Variants in SPTBN4 observed in about 807,000 individuals in gnomAD.
SPTBN4 encodes the protein spectrin beta, non-erythrocytic 4.
A neutral mutation model predicts 277.8 loss-of-function variants in SPTBN4; 96 were observed. That is an observed-to-expected ratio of 0.35 (90% confidence interval 0.29 to 0.41). SPTBN4 has a LOEUF of 0.41. Ranked by LOEUF, SPTBN4 falls within the 10% of genes least tolerant of loss-of-function variation. The pLI is 1.00. For missense variants in SPTBN4, 3,006 were observed against 3,595.7 expected, an observed-to-expected ratio of 0.84 and a Z score of 4.19; for synonymous variants, 1,481 against 1,580.3, an observed-to-expected ratio of 0.94 and a Z score of 1.49.
chr19:40,515,360 G>A lies in SPTBN4; in HGVS notation c.2815G>A (p.Asp939Asn). Residue 939 changes from aspartate (D) to asparagine (N), a missense_variant, in exon 15 of 36, where the codon GAC (aspartate) becomes AAC (asparagine). Transcript: ENST00000598249. The surrounding 1 kb of genome is among the most constrained non-coding windows in gnomAD (Gnocchi z 4.1). ...EMNSLMGRVL[D>N]VNHTVQELVE... ...GAACAGCCTGATGGGCCGCGTTCTG[G>A]ACGTGAACCACACAGTCCAGGAGCT... 1 of 1,610,456 alleles carries A rather than the reference G, an allele frequency of 6.2e-7. No individual in the cohort carries two copies. Among genetic ancestry groups the A allele is most frequent in the African/African-American group, 1.3e-5 (1 of 74,972 alleles).
chr19:40,569,936 C>CCACACA (rs60074818), intron 32 of SPTBN4, among the ~76,000 whole-genome samples: 14,969 of 131,282 alleles, frequency 0.11, 932 homozygotes, highest in Non-Finnish European at 0.13. Context: ...TACTGCCCCT[C>CCACACA]CACACACACA....
chr19:40,503,824 C>T lies in SPTBN4; in HGVS notation c.1363-6C>T. ...GCATGGGTGAGTGTCTGGCTCACTG[C>T]CCCAGGACAACTTTGGGTATGAGCT... On this transcript the variant is annotated splice_polypyrimidine_tract_variant and splice_region_variant and intron_variant, in intron 11 of 35. Coordinates refer to ENST00000598249, the MANE Select transcript of SPTBN4 (RefSeq NM_020971.3). The T allele has an allele frequency of 3.2e-6, 5 of 1,572,542 alleles. No homozygotes were observed. The highest frequency in any genetic ancestry group is 4.3e-6 in the Non-Finnish European group (5 of 1,155,530).
Position 40,519,242 on chromosome 19 carries a change from G to T in SPTBN4, c.2904-159G>T, listed in dbSNP as rs1244126226. The stretch of plus-strand genomic sequence containing the variant: ...AATGGCTGCCCTAAGCAAAAGTGCT[G>T]CGTAGGGTTCCATTTTACACCGGCA... On this transcript the variant is annotated intron_variant, in intron 15 of 35. Transcript: ENST00000598249. This position sits in a 1 kb window ranked among gnomAD's most constrained non-coding sequence, Gnocchi z 5.7. Among the ~76,000 whole-genome samples, 1 of 152,228 alleles carries T rather than the reference G, an allele frequency of 6.6e-6. No individual in the cohort carries two copies. The highest frequency in any genetic ancestry group is 1.5e-5 in the Non-Finnish European group (1 of 68,038).
intron 32 of SPTBN4, 88 bp downstream of exon 32, chr19:40,569,814 T>C (rs1254752926): frequency 7.7e-6 from 10 of 1,300,204 alleles, no homozygotes; most frequent in Non-Finnish European, 9.5e-6. Context: ...TGCCTAGCCC[T>C]GGCAGGACCC....
chr19:40,569,969 C>CAT (rs1322288108), intron 32 of SPTBN4, among the ~76,000 whole-genome samples: 7 of 127,408 alleles, frequency 5.5e-5, no homozygotes, highest in Non-Finnish European at 1.2e-4. Flanking sequence ...CACACACACA[C>CAT]ACACAGACAC....
At chr19:40,535,768 T>C (rs1599777487) in intron 20 of SPTBN4, among the ~76,000 whole-genome samples, 1 of 151,958 alleles carries the variant, frequency 6.6e-6, no homozygotes, top group East Asian at 1.9e-4. Context: ...TCATCTCTAC[T>C]AAAAACACAC....
At chr19:40,574,368 T>C (rs1232297542) in intron 35 of SPTBN4, among the ~76,000 whole-genome samples, 2 of 151,544 alleles carry the variant, frequency 1.3e-5, no homozygotes, top group Non-Finnish European at 2.9e-5. Context: ...AAGTGGGCTT[T>C]TTTTTTTTTT....
At chr19:40,483,515 T>G (rs1292393585) in intron 2 of SPTBN4, among the ~76,000 whole-genome samples, 1 of 152,218 alleles carries the variant, frequency 6.6e-6, no homozygotes, top group Non-Finnish European at 1.5e-5. Flanking sequence ...AACTTTAAAT[T>G]GCACCTTGAA....
intron 12 of SPTBN4, among the ~76,000 whole-genome samples, chr19:40,505,221 CAAAAAAA>C (rs60448674): frequency 2.7e-5 from 2 of 75,032 alleles, no homozygotes; most frequent in East Asian, 5.2e-4. Flanking sequence ...CCTGTCTGTA[CAAAAAAA>C]AAAAAAAAAA....
intron 18 of SPTBN4, chr19:40,530,791 G>C (rs2080659422): frequency 6.3e-6 from 1 of 158,238 alleles, no homozygotes; most frequent in Admixed American, 6.5e-5. Flanking sequence ...TGGCGCGGGC[G>C]GGACTGAGGG....
rs1361046691 is a variant in SPTBN4 at position 40,535,965 on chromosome 19, A to C, written c.4359+1622A>C. On this transcript the variant is annotated intron_variant, in intron 20 of 35. Transcript: ENST00000598249. ...ACAGAGCGAGACTCCATCTCAAAAA[A>C]TAAAAAAATAAAAAAAATAATTAGG... Among the ~76,000 whole-genome samples the C allele has an allele frequency of 7.9e-5, 12 of 152,300 alleles. No homozygotes were observed. In the East Asian group the frequency reaches 2.3e-3, roughly 29 times the overall value.
At chr19:40,497,643 G>T (rs768840451) in intron 7 of SPTBN4, 39 bp downstream of exon 7, 12 of 1,547,126 alleles carry the variant, frequency 7.8e-6, no homozygotes, top group Non-Finnish European at 1.1e-5. Flanking sequence ...TTCGTCTTGG[G>T]GGACTCCCAA....
Position 40,512,859 on chromosome 19 carries a change from C to G in SPTBN4, c.2070C>G (p.Asp690Glu). 1 of 1,460,564 alleles carries G rather than the reference C, an allele frequency of 6.8e-7. No homozygotes were observed. Among genetic ancestry groups the G allele is most frequent in the Non-Finnish European group, 8.9e-7 (1 of 1,119,106 alleles). The allele number at this position is 1,460,564 out of a possible 1,614,324, so 90.5% of individuals were successfully genotyped here. Residue 690 changes from aspartate (D) to glutamate (E), a missense_variant, in exon 14 of 36, where the codon GAC becomes GAG. Coordinates refer to ENST00000598249, the MANE Select transcript of SPTBN4 (RefSeq NM_020971.3). ...CGGGAACAGCGGGCGGCGCGCATGACCTGTCCAGCACAGCGCGCCTCCTGG... is the reference window on the plus strand; with the variant it reads ...CGGGAACAGCGGGCGGCGCGCATGAGCTGTCCAGCACAGCGCGCCTCCTGG... Reference protein sequence around the residue: ...GAAGTAGGAHDLSSTARLLAQ... With the variant: ...GAAGTAGGAHELSSTARLLAQ...
rs142555097 is a variant in SPTBN4, at chr19:40,509,784, A to C, written c.1817-2822A>C. On this transcript the variant is annotated intron_variant, in intron 13 of 35. Transcript: ENST00000598249. The stretch of plus-strand genomic sequence containing the variant: ...AAAAGGAAGAACCTGTCTGGCTTGC[A>C]GGTTGATGGGGAAGTTTCTCACCCT... Among the ~76,000 whole-genome samples, 318 of 152,304 alleles carry C rather than the reference A, an allele frequency of 2.1e-3. 4 individuals carry two copies. Among genetic ancestry groups the C allele is most frequent in the African/African-American group, 7.0e-3 (290 of 41,586 alleles).
At chr19:40,523,140 C>T (rs1321754076) in intron 16 of SPTBN4, among the ~76,000 whole-genome samples, 1 of 151,902 alleles carries the variant, frequency 6.6e-6, no homozygotes, top group Non-Finnish European at 1.5e-5. Context: ...CTGCTCCCTC[C>T]CTGCCAAAAA....
chr19:40,523,758 C>G, intron 17 of SPTBN4, 119 bp downstream of exon 17: 2 of 936,292 alleles, frequency 2.1e-6, no homozygotes, highest in Non-Finnish European at 3.1e-6. Flanking sequence ...TTCTCTGGGG[C>G]TCTTTCCTAT....
In SPTBN4 at chr19:40,565,551, T is replaced by A; in HGVS notation, c.6044T>A (p.Met2015Lys). Residue 2015 changes from methionine to lysine, a missense_variant, in exon 28 of 36, where the codon ATG (methionine) becomes AAG (lysine). Coordinates refer to ENST00000598249, the MANE Select transcript of SPTBN4 (RefSeq NM_020971.3). ...TCTCTGCTGCTCAACAAAAGTGCCA[T>A]GGCTGATGAGGTGGGGAGCAGGGAG... ...GRSLLLNKSA[M>K]ADEIQAQLDK... is the part of the protein sequence containing the mutation. 1 of 1,613,862 alleles carries A rather than the reference T, an allele frequency of 6.2e-7. No individual in the cohort carries two copies. Among genetic ancestry groups the A allele is most frequent in the Non-Finnish European group, 8.5e-7 (1 of 1,179,880 alleles).
Position 40,490,028 on chromosome 19 carries a change from T to C in SPTBN4, c.322-47T>C. 6.6e-7 allele frequency: 1 copy of C among 1,525,464 alleles called. No individual in the cohort carries two copies. The highest frequency in any genetic ancestry group is 8.8e-7 in the Non-Finnish European group (1 of 1,135,624). The allele number at this position is 1,525,464 out of a possible 1,614,324, so 94.5% of individuals were successfully genotyped here. On this transcript the variant is annotated intron_variant, in intron 3 of 35. Transcript: ENST00000598249. This position sits in a 1 kb window ranked among gnomAD's most constrained non-coding sequence, Gnocchi z 4.3. The stretch of plus-strand genomic sequence containing the variant: ...AGCTGCGGGGCCGAGGGCGCCATAC[T>C]CCTGTCTGTCCAGACCCCCGATCGC...
At chr19:40,470,594 A>G (rs2145794567) in intron 1 of SPTBN4, among the ~76,000 whole-genome samples, 1 of 151,624 alleles carries the variant, frequency 6.6e-6, no homozygotes, top group Non-Finnish European at 1.5e-5. Context: ...GGTATGAGCC[A>G]CTGTGCCTGC....
Sources: allele counts gnomAD v4.1 joint callset (sites outside exome capture counted in the v4.1 genomes callset), GRCh38; gene constraint gnomAD v4.1.1; non-coding constraint Gnocchi (gnomAD v3.1); transcripts MANE v1.5; gene names NCBI Gene and HGNC (gene_info 2026-07-23, HGNC 2026-07-21).